Variants in UTY observed in about 807,000 individuals in gnomAD.
UTY encodes histone demethylase UTY.
UTY carries 12 observed loss-of-function variants against 32.5 expected under a neutral mutation model. The ratio of observed to expected loss-of-function variants is 0.37; its 90% CI spans 0.24 to 0.60. The LOEUF is 0.60. UTY is among the 20% of genes least tolerant of loss of function. The pLI is 0.69. For synonymous variants in UTY, 131 were observed against 103.4 expected (o/e 1.27, Z -1.62); for missense variants, 303 against 299.2 (o/e 1.01, Z -0.09).
At chrY:13,291,254 T>C in intron 27 of UTY, among the ~76,000 whole-genome samples, 1 of 33,337 alleles carries the variant, frequency 3.0e-5, no homozygotes, top group African/African-American at 1.2e-4. Flanking sequence ...GTATTACTCA[T>C]ATATCAAAAC....
chrY:13,236,740 A>G (rs2053856167), intron 28 of UTY, among the ~76,000 whole-genome samples: 1 of 33,690 alleles, frequency 3.0e-5, no homozygotes, highest in Admixed American at 2.7e-4. Flanking sequence ...ACGTAAAGCT[A>G]CTTCAACATT....
chrY:13,398,943 C>T, intron 6 of UTY, among the ~76,000 whole-genome samples: 2 of 32,487 alleles, frequency 6.2e-5, no homozygotes, highest in Admixed American at 5.7e-4. Context: ...AATTGGACCT[C>T]GAGCACTGAA....
intron 18 of UTY, among the ~76,000 whole-genome samples, chrY:13,331,647 A>C: frequency 1.2e-4 from 4 of 33,817 alleles, no homozygotes; most frequent in African/African-American, 4.6e-4. Flanking sequence ...TCTGAGCTAA[A>C]GGAGTTAAAG....
chrY:13,396,739 G>A, intron 7 of UTY, 179 bp downstream of exon 7: 1 of 115,018 alleles, frequency 8.7e-6, no homozygotes, highest in Admixed American at 1.6e-4. Flanking sequence ...AATACTGACT[G>A]TCTTTGAGCA....
At chrY:13,469,790 G>A in intron 3 of UTY, among the ~76,000 whole-genome samples, 2 of 33,445 alleles carry the variant, frequency 6.0e-5, no homozygotes, top group Non-Finnish European at 1.5e-4. Flanking sequence ...AAATGTCCAC[G>A]TTTGTATAAT....
intron 17 of UTY, among the ~76,000 whole-genome samples, chrY:13,353,564 A>G: frequency 2.9e-5 from 1 of 34,249 alleles, no homozygotes. Flanking sequence ...TTTAAGAAAT[A>G]CATTTCATTT....
chrY:13,356,158 C>CT lies in UTY; in HGVS notation c.1570-141dup, dbSNP rs2062877728. 6 of 125,544 alleles carry CT rather than the reference C, an allele frequency of 4.8e-5. No individual in the cohort carries two copies. In the African/African-American group the frequency reaches 6.0e-4, roughly 13 times the overall value. The allele number at this position is 125,544 out of a possible 400,897, so 31.3% of individuals were successfully genotyped here. A position where few individuals can be genotyped will look rare whatever the true frequency, so the allele number is the denominator to read the frequency against. Reference sequence around the variant, plus strand: ...CCTAATGAACGTTAAGATAGTGATTCTTTTTTTTTGTTGTTGAGACAGAGT... The same window carrying CT: ...CCTAATGAACGTTAAGATAGTGATTCTTTTTTTTTTGTTGTTGAGACAGAGT... On this transcript the variant is annotated intron_variant, in intron 15 of 29. Coordinates refer to ENST00000545955, the MANE Select transcript of UTY (RefSeq NM_001258249.2).
chrY:13,393,995 A>G, intron 7 of UTY, 102 bp from the exon 8 acceptor site: 1 of 151,083 alleles, frequency 6.6e-6, no homozygotes, highest in Non-Finnish European at 1.0e-5. Flanking sequence ...GCAAATGCTA[A>G]AACTATGGAA....
downstream of UTY, among the ~76,000 whole-genome samples, chrY:13,246,825 C>T: frequency 4.6e-5 from 1 of 21,543 alleles, no homozygotes; most frequent in East Asian, 1.1e-3. Flanking sequence ...TGCAGTAAGC[C>T]GAGACTGTGC....
At chrY:13,282,445 T>C (rs769314237) in intron 27 of UTY, among the ~76,000 whole-genome samples, 9 of 33,372 alleles carry the variant, frequency 2.7e-4, no homozygotes, top group Admixed American at 2.1e-3. Flanking sequence ...GTAAACCCAG[T>C]AGTTAAAAAT....
chrY:13,440,421 A>G, intron 4 of UTY, among the ~76,000 whole-genome samples: 1 of 33,412 alleles, frequency 3.0e-5, no homozygotes, highest in Admixed American at 2.7e-4. Flanking sequence ...GCTTTCAGGA[A>G]GAAACATACC....
chrY:13,384,174 G>A, intron 8 of UTY, among the ~76,000 whole-genome samples: 1 of 33,838 alleles, frequency 3.0e-5, no homozygotes, highest in South Asian at 6.4e-4. Flanking sequence ...TCCAAAATCA[G>A]AAAGACATTT....
intron 4 of UTY, among the ~76,000 whole-genome samples, chrY:13,419,474 G>A (rs563786001): frequency 3.5e-3 from 120 of 34,109 alleles, no homozygotes; most frequent in Non-Finnish European, 7.9e-3. Context: ...GGCTTAAGAT[G>A]GGGTTATGTC....
At position 13,416,425 on chromosome Y, in the gene UTY, T is replaced by C. The variant is rs762737302; in HGVS notation, c.376-1632A>G. Among the ~76,000 whole-genome samples, 113 of 34,250 alleles carry C rather than the reference T, an allele frequency of 3.3e-3. No individual in the cohort carries two copies. In the East Asian group the frequency reaches 0.083, roughly 25 times the overall value. 91.9% of individuals were successfully genotyped at this position (34,250 alleles called of 37,273 possible). On this transcript the variant is annotated intron_variant, in intron 4 of 29. Coordinates refer to ENST00000545955, the MANE Select transcript of UTY (RefSeq NM_001258249.2). ...TAAAAGAACAACTAGGGCCTAATTA[T>C]TAATGTTAAAGTCTTGATATATAAT...
At chrY:13,254,045 GT>G (rs2054446091) in intron 28 of UTY, among the ~76,000 whole-genome samples, 1 of 33,420 alleles carries the variant, frequency 3.0e-5, no homozygotes, top group East Asian at 7.7e-4. Context: ...TTATAGCTTG[GT>G]TACAGGAGTC....
Position 13,358,450 on chromosome Y carries a change from A to G in UTY, c.1476+14T>C, listed in dbSNP as rs1428876470. The G allele has an allele frequency of 1.1e-5, 4 of 375,959 alleles. No homozygotes were observed. In the South Asian group the frequency reaches 1.3e-4, roughly 12 times the overall value. The allele number at this position is 375,959 out of a possible 400,897, so 93.8% of individuals were successfully genotyped here. A position where few individuals can be genotyped will look rare whatever the true frequency, so the allele number is the denominator to read the frequency against. ...TTGACTGGGATTTTCCATATCTCTAAAATGTATATATACCTTTGTTGGACT... is the reference window on the plus strand; with the variant it reads ...TTGACTGGGATTTTCCATATCTCTAGAATGTATATATACCTTTGTTGGACT... On this transcript the variant is annotated intron_variant, in intron 14 of 29. Transcript: ENST00000545955.
chrY:13,473,608 G>A, intron 2 of UTY, among the ~76,000 whole-genome samples: 1 of 32,892 alleles, frequency 3.0e-5, no homozygotes, highest in Non-Finnish European at 7.4e-5. Context: ...GTATCTCTCT[G>A]GATTTGCAAT....
At chrY:13,474,658 C>T (rs958650622) in intron 2 of UTY, among the ~76,000 whole-genome samples, 3 of 33,898 alleles carry the variant, frequency 8.9e-5, no homozygotes, top group Non-Finnish European at 2.2e-4. Flanking sequence ...CCTAAGGACA[C>T]GCACAGGCCA....
At chrY:13,459,707 A>G in intron 3 of UTY, among the ~76,000 whole-genome samples, 1 of 33,388 alleles carries the variant, frequency 3.0e-5, no homozygotes, top group Non-Finnish European at 7.4e-5. Context: ...TAATCGTCTG[A>G]CTGATTTTTC....
Sources: allele counts gnomAD v4.1 joint callset (sites outside exome capture counted in the v4.1 genomes callset), GRCh38; gene constraint gnomAD v4.1.1; transcripts MANE v1.5; gene names NCBI Gene and HGNC (gene_info 2026-07-23, HGNC 2026-07-21).